ADCY2: variants seen among roughly 807,000 people sequenced by gnomAD.
ADCY2 encodes the protein adenylate cyclase type 2.
ADCY2 carries 31 observed loss-of-function variants against 125.2 expected under a neutral mutation model. The observed-to-expected ratio is 0.25, with a 90% CI of 0.19 to 0.33. The LOEUF is 0.33. Among genes scored for constraint, ADCY2 ranks in the 10% least tolerant of loss-of-function variants. The probability of loss-of-function intolerance (pLI) is 1.00; values close to 1 mark genes in which losing one functional copy is unlikely to be tolerated. For missense variants in ADCY2, 904 were observed against 1,418.2 expected, an observed-to-expected ratio of 0.64 and a Z score of 5.82; for synonymous variants, 512 against 548.4, an observed-to-expected ratio of 0.93 and a Z score of 0.93.
chr5:7,709,515 CAGAG>C lies in ADCY2; in HGVS notation c.1578+131_1578+134del. 1 of 1,126,964 alleles carries C rather than the reference CAGAG, an allele frequency of 8.9e-7. No homozygotes were observed. Among genetic ancestry groups the C allele is most frequent in the Non-Finnish European group, 1.2e-6 (1 of 819,432 alleles). 69.8% of individuals were successfully genotyped at this position (1,126,964 alleles called of 1,614,324 possible). A position where few individuals can be genotyped will look rare whatever the true frequency, so the allele number is the denominator to read the frequency against. On this transcript the variant is annotated intron_variant, in intron 10 of 24. Coordinates refer to ENST00000338316, the MANE Select transcript of ADCY2 (RefSeq NM_020546.3). The surrounding 1 kb of genome is among the most constrained non-coding windows in gnomAD (Gnocchi z 4.4). ...AACAAACTTATCACCTTCTTCTTCT[CAGAG>C]AGGCCCTTATGAACAACCATCAGGG...
intron 2 of ADCY2, among the ~76,000 whole-genome samples, chr5:7,461,403 T>C (rs976516970): frequency 6.6e-6 from 1 of 152,250 alleles, no homozygotes; most frequent in Non-Finnish European, 1.5e-5. Context: ...TCTGAATGTG[T>C]AGTTATAGAT....
At chr5:7,748,748 T>C (rs1742713884) in intron 15 of ADCY2, among the ~76,000 whole-genome samples, 1 of 152,220 alleles carries the variant, frequency 6.6e-6, no homozygotes, top group Admixed American at 6.5e-5. Context: ...TCCAGCCTCA[T>C]CATAGTTTAT....
At chr5:7,480,048 C>T (rs924284522) in intron 2 of ADCY2, among the ~76,000 whole-genome samples, 1 of 152,044 alleles carries the variant, frequency 6.6e-6, no homozygotes, top group Non-Finnish European at 1.5e-5. Flanking sequence ...AAATACAAAT[C>T]AAAACCACAA....
intron 3 of ADCY2, among the ~76,000 whole-genome samples, chr5:7,598,729 A>G (rs948244710): frequency 2.0e-5 from 3 of 152,074 alleles, no homozygotes; most frequent in African/African-American, 7.2e-5. Context: ...AGGTGACTTG[A>G]TTTCCAGTGA....
intron 3 of ADCY2, among the ~76,000 whole-genome samples, chr5:7,584,888 A>G (rs1394929481): frequency 6.6e-6 from 1 of 152,224 alleles, no homozygotes; most frequent in Admixed American, 6.5e-5. Flanking sequence ...TCTCTACACA[A>G]TTTATACCTT....
chr5:7,616,406 T>C (rs757302566), intron 3 of ADCY2, among the ~76,000 whole-genome samples: 35 of 152,248 alleles, frequency 2.3e-4, no homozygotes, highest in Non-Finnish European at 4.4e-4. Context: ...ATGAGAAGCC[T>C]GCCTTGTATC....
rs369473114 is a variant in ADCY2, at chr5:7,620,497, G to C, written c.571-5670G>C. 3.9e-5 allele frequency among the ~76,000 whole-genome samples: 6 copies of C among 152,314 alleles called. No individual in the cohort carries two copies. In the East Asian group the frequency reaches 1.2e-3, roughly 29 times the overall value. On this transcript the variant is annotated intron_variant, in intron 3 of 24. Coordinates refer to ENST00000338316, the MANE Select transcript of ADCY2 (RefSeq NM_020546.3). ...ACTGGATGTCATTAACCAAAGCACA[G>C]TGTTCCTGATTGTCACTAAATGACT...
At chr5:7,645,364 G>T (rs974755792) in intron 4 of ADCY2, among the ~76,000 whole-genome samples, 2 of 152,244 alleles carry the variant, frequency 1.3e-5, no homozygotes, top group East Asian at 3.9e-4. Flanking sequence ...AAGCGGAGCC[G>T]GCATTTGCAC....
At chr5:7,516,647 C>T (rs1050398408) in intron 2 of ADCY2, among the ~76,000 whole-genome samples, 1 of 152,062 alleles carries the variant, frequency 6.6e-6, no homozygotes, top group Non-Finnish European at 1.5e-5. Context: ...TAGTGAAATG[C>T]AATTATATTA....
intron 14 of ADCY2, among the ~76,000 whole-genome samples, chr5:7,729,847 T>C (rs1038979639): frequency 2.0e-5 from 3 of 148,778 alleles, no homozygotes; most frequent in Non-Finnish European, 4.5e-5. Flanking sequence ...ATATAATTAT[T>C]TATAATATGT....
At chr5:7,408,060 C>T (rs1257484446) in intron 1 of ADCY2, among the ~76,000 whole-genome samples, 3 of 151,140 alleles carry the variant, frequency 2.0e-5, no homozygotes, top group African/African-American at 7.3e-5. Flanking sequence ...TTAGTAGAGA[C>T]GGGGTTTCAC....
intron 4 of ADCY2, among the ~76,000 whole-genome samples, chr5:7,672,537 C>T (rs1295909887): frequency 6.6e-6 from 1 of 151,904 alleles, no homozygotes; most frequent in African/African-American, 2.4e-5. Flanking sequence ...CTCTATCACC[C>T]AGGCTAGGCT....
At chr5:7,554,193 G>A (rs962918115) in intron 3 of ADCY2, among the ~76,000 whole-genome samples, 6 of 152,192 alleles carry the variant, frequency 3.9e-5, no homozygotes, top group Non-Finnish European at 8.8e-5. Context: ...AAAAGAAAAT[G>A]ATTAGTCAGA....
chr5:7,460,981 A>G (rs1448825740), intron 2 of ADCY2, among the ~76,000 whole-genome samples: 3 of 152,200 alleles, frequency 2.0e-5, no homozygotes, highest in Non-Finnish European at 4.4e-5. Context: ...GTTTGTCCCT[A>G]TCTCACATCA....
At chr5:7,540,161 A>G (rs761295331) in intron 3 of ADCY2, among the ~76,000 whole-genome samples, 1 of 152,128 alleles carries the variant, frequency 6.6e-6, no homozygotes, top group Non-Finnish European at 1.5e-5. Context: ...GGGAAACAAC[A>G]CACACTGGGG....
intron 2 of ADCY2, among the ~76,000 whole-genome samples, chr5:7,504,268 T>C (rs1743714579): frequency 1.3e-5 from 2 of 152,150 alleles, no homozygotes; most frequent in African/African-American, 4.8e-5. Context: ...CAGAAAAAGA[T>C]AAATAAATAA....
chr5:7,437,682 A>G (rs1202991874), intron 2 of ADCY2, among the ~76,000 whole-genome samples: 1 of 152,234 alleles, frequency 6.6e-6, no homozygotes. Flanking sequence ...TCTTTTCCTG[A>G]ACTCTGAATG....
At chr5:7,457,842 C>G (rs879277593) in intron 2 of ADCY2, among the ~76,000 whole-genome samples, 3 of 152,160 alleles carry the variant, frequency 2.0e-5, no homozygotes, top group Non-Finnish European at 4.4e-5. Flanking sequence ...GTAGTTACCA[C>G]GTCGTCCTGT....
chr5:7,595,151 C>G (rs1489855182), intron 3 of ADCY2, among the ~76,000 whole-genome samples: 1 of 152,060 alleles, frequency 6.6e-6, no homozygotes, highest in Admixed American at 6.6e-5. Flanking sequence ...GCAACAGGTA[C>G]CCAAACACCT....
Sources: gnomAD v4.1 joint callset for allele counts (sites outside exome capture counted in the v4.1 genomes callset) on GRCh38, gnomAD v4.1.1 for gene constraint, Gnocchi (gnomAD v3.1) non-coding constraint, MANE v1.5 for transcripts, NCBI Gene and HGNC (gene_info 2026-07-23, HGNC 2026-07-21) for gene names.